Variants in LRMDA observed in about 807,000 individuals in gnomAD.
The protein encoded by LRMDA is leucine rich melanocyte differentiation associated.
Under a neutral mutation model 29.8 loss-of-function variants are expected in LRMDA, and 18 were observed. The observed-to-expected ratio is 0.60, with a 90% confidence interval of 0.42 to 0.90. The LOEUF (loss-of-function observed/expected upper bound fraction) is 0.90, where lower values mean the gene tolerates loss of function less well. Ranked by LOEUF, LRMDA falls within the 40% of genes least tolerant of loss-of-function variation. LRMDA has a pLI of 0.00. For missense variants in LRMDA, 273 were observed against 273.9 expected, an observed-to-expected ratio of 1.00 and a Z score of 0.02; for synonymous variants, 125 against 109.4, an observed-to-expected ratio of 1.14 and a Z score of -0.89.
At chr10:75,526,866 A>C (rs1845419640) in intron 2 of LRMDA, among the ~76,000 whole-genome samples, 1 of 151,208 alleles carries the variant, frequency 6.6e-6, no homozygotes, top group Admixed American at 6.6e-5. Flanking sequence ...CTCAAAAAAA[A>C]AAAAAACAAA....
intron 2 of LRMDA, among the ~76,000 whole-genome samples, chr10:75,920,522 C>CGGAG (rs1846009428): frequency 6.6e-6 from 1 of 152,170 alleles, no homozygotes; most frequent in Non-Finnish European, 1.5e-5. Flanking sequence ...ATACCAACTC[C>CGGAG]TTGCTATAAC....
intron 6 of LRMDA, among the ~76,000 whole-genome samples, chr10:76,382,905 G>A (rs1215056793): frequency 1.3e-5 from 2 of 152,176 alleles, no homozygotes; most frequent in South Asian, 2.1e-4. Context: ...ACTGTCAGAC[G>A]AAGAGAAGGA....
intron 5 of LRMDA, among the ~76,000 whole-genome samples, chr10:76,139,125 G>A (rs1383210888): frequency 6.6e-6 from 1 of 152,154 alleles, no homozygotes; most frequent in African/African-American, 2.4e-5. Context: ...TTCAAAGACA[G>A]ACAGAGAACA....
chr10:75,442,406 C>T (rs896648719), intron 2 of LRMDA, among the ~76,000 whole-genome samples: 2 of 152,154 alleles, frequency 1.3e-5, no homozygotes, highest in East Asian at 3.8e-4. Flanking sequence ...TGTATATGAT[C>T]TGAGAAAAGG....
intron 5 of LRMDA, among the ~76,000 whole-genome samples, chr10:76,295,375 G>T (rs2132353179): frequency 6.6e-6 from 1 of 152,286 alleles, no homozygotes; most frequent in South Asian, 2.1e-4. Flanking sequence ...GGACTCATTT[G>T]AATTCAAATT....
intron 2 of LRMDA, among the ~76,000 whole-genome samples, chr10:75,970,660 G>C (rs1727598333): frequency 6.6e-6 from 1 of 152,232 alleles, no homozygotes; most frequent in Admixed American, 6.5e-5. Flanking sequence ...AAAGTTAGGA[G>C]AAAGCTGGGA....
intron 2 of LRMDA, among the ~76,000 whole-genome samples, chr10:75,574,418 A>T (rs1414801951): frequency 2.0e-5 from 3 of 152,164 alleles, no homozygotes; most frequent in Non-Finnish European, 1.5e-5. Flanking sequence ...GAAATCTCTC[A>T]CTAAAGGGGT....
At chr10:76,426,691 G>A (rs570572299) in intron 6 of LRMDA, among the ~76,000 whole-genome samples, 2 of 152,322 alleles carry the variant, frequency 1.3e-5, no homozygotes, top group East Asian at 3.9e-4. Context: ...CCTATGTCCT[G>A]AATGGTATTA....
intron 2 of LRMDA, among the ~76,000 whole-genome samples, chr10:76,014,202 A>G (rs551597513): frequency 2.7e-4 from 40 of 146,784 alleles, no homozygotes; most frequent in Non-Finnish European, 5.2e-4. Flanking sequence ...ATTCATTTAC[A>G]TATTGTCTAT....
rs1407528412 is a variant in LRMDA at position 75,920,414 on chromosome 10, C to G, written c.132-115594C>G. The stretch of plus-strand genomic sequence containing the variant: ...TGGAGAACCTGCTTGTTCAGAAGGC[C>G]AGATGTTTCACAAGAAAATGAAGGA... On this transcript the variant is annotated intron_variant, in intron 2 of 6. Coordinates refer to ENST00000611255, the MANE Select transcript of LRMDA (RefSeq NM_001305581.2). Among the ~76,000 whole-genome samples the G allele has an allele frequency of 3.3e-5, 5 of 152,208 alleles. No individual in the cohort carries two copies. In the East Asian group the frequency reaches 9.6e-4, roughly 29 times the overall value.
chr10:75,627,688 A>C (rs2132110640), intron 2 of LRMDA, among the ~76,000 whole-genome samples: 1 of 152,304 alleles, frequency 6.6e-6, no homozygotes, highest in Non-Finnish European at 1.5e-5. Flanking sequence ...CTCACTACCA[A>C]CAGAAATCTA....
intron 5 of LRMDA, among the ~76,000 whole-genome samples, chr10:76,178,323 G>C (rs1330473879): frequency 6.6e-6 from 1 of 152,156 alleles, no homozygotes; most frequent in Non-Finnish European, 1.5e-5. Flanking sequence ...AAGGCTTCTT[G>C]GTGCAAATCT....
chr10:76,418,400 T>G lies in LRMDA; in HGVS notation c.601+93915T>G, dbSNP rs376618228. On this transcript the variant is annotated intron_variant, in intron 6 of 6. Coordinates refer to ENST00000611255, the MANE Select transcript of LRMDA (RefSeq NM_001305581.2). Reference sequence around the variant, plus strand: ...TTGTACATATTTCATTATATTTATATGTATATGATTTTTCAAAATAGTATG... The same window carrying G: ...TTGTACATATTTCATTATATTTATAGGTATATGATTTTTCAAAATAGTATG... Among the ~76,000 whole-genome samples, 107 of 151,988 alleles carry G rather than the reference T, an allele frequency of 7.0e-4. 3 individuals are homozygous for G. The South Asian group carries it at 0.021, about 30-fold the overall frequency.
At chr10:75,796,057 C>G (rs568851646) in intron 2 of LRMDA, among the ~76,000 whole-genome samples, 2 of 152,126 alleles carry the variant, frequency 1.3e-5, no homozygotes, top group Non-Finnish European at 2.9e-5. Context: ...TATCTAGCAA[C>G]CTTGCTAAAG....
At chr10:76,276,610 A>G (rs1261921426) in intron 5 of LRMDA, among the ~76,000 whole-genome samples, 1 of 152,074 alleles carries the variant, frequency 6.6e-6, no homozygotes, top group Non-Finnish European at 1.5e-5. Context: ...TGATGTGTTT[A>G]TTTGCTAATT....
intron 2 of LRMDA, among the ~76,000 whole-genome samples, chr10:75,509,361 T>C (rs917407267): frequency 2.6e-5 from 4 of 152,232 alleles, no homozygotes; most frequent in Non-Finnish European, 5.9e-5. Context: ...TCAAAACTCA[T>C]ATTATGCTCA....
At chr10:76,232,836 G>A (rs1359498124) in intron 5 of LRMDA, among the ~76,000 whole-genome samples, 1 of 152,250 alleles carries the variant, frequency 6.6e-6, no homozygotes, top group African/African-American at 2.4e-5. Context: ...AAAGTCCCCT[G>A]TGTGTCTGGG....
At chr10:76,475,871 AC>A (rs1842664663) in intron 6 of LRMDA, among the ~76,000 whole-genome samples, 2 of 152,180 alleles carry the variant, frequency 1.3e-5, no homozygotes, top group Non-Finnish European at 2.9e-5. Context: ...GACACAACAT[AC>A]CAGAATCTCT....
intron 6 of LRMDA, among the ~76,000 whole-genome samples, chr10:76,422,661 C>T (rs1281209584): frequency 6.6e-6 from 1 of 152,118 alleles, no homozygotes; most frequent in Non-Finnish European, 1.5e-5. Context: ...GGAAGCTCTT[C>T]CTCATGGATA....
Sources: gnomAD v4.1 joint callset for allele counts (sites outside exome capture counted in the v4.1 genomes callset) on GRCh38, gnomAD v4.1.1 for gene constraint, MANE v1.5 for transcripts, NCBI Gene and HGNC (gene_info 2026-07-23, HGNC 2026-07-21) for gene names.